Variants in C11orf65 observed in about 807,000 individuals in gnomAD.
C11orf65 encodes protein MFI.
Under a neutral mutation model 35.3 loss-of-function variants are expected in C11orf65, and 38 were observed. The observed-to-expected ratio is 1.08, with a 90% CI of 0.83 to 1.41. The LOEUF (loss-of-function observed/expected upper bound fraction) is 1.41. C11orf65 is among the 40% of genes most tolerant of loss of function. The pLI, the probability that C11orf65 is intolerant of heterozygous loss-of-function variation, is 0.00. For synonymous variants in C11orf65, 105 were observed against 114.4 expected, an observed-to-expected ratio of 0.92 and a Z score of 0.53; for missense variants, 370 against 367.1, an observed-to-expected ratio of 1.01 and a Z score of -0.06.
At chr11:108,392,330 C>T (rs2092184223) in intron 7 of C11orf65, among the ~76,000 whole-genome samples, 1 of 152,136 alleles carries the variant, frequency 6.6e-6, no homozygotes, top group South Asian at 2.1e-4. Context: ...GCATGAGCCA[C>T]CATGCCCAGC....
intron 2 of C11orf65, among the ~76,000 whole-genome samples, 180 bp from the exon 3 acceptor site, chr11:108,432,018 A>G (rs568111292): frequency 3.3e-5 from 5 of 152,200 alleles, no homozygotes; most frequent in Non-Finnish European, 7.4e-5. Context: ...TAGTATTAGT[A>G]TAATTCTCAC....
At chr11:108,336,980 C>T (rs1000241214) in intron 2 of C11orf65, among the ~76,000 whole-genome samples, 1 of 152,134 alleles carries the variant, frequency 6.6e-6, no homozygotes, top group Non-Finnish European at 1.5e-5. Context: ...AATGTTGTAA[C>T]AGGGACTATG....
chr11:108,345,042 G>C (rs1458215018), intron 2 of C11orf65, among the ~76,000 whole-genome samples: 3 of 152,110 alleles, frequency 2.0e-5, no homozygotes, highest in Non-Finnish European at 4.4e-5. Flanking sequence ...GGAGTAGCCA[G>C]TGCCTCCCAG....
intron 3 of C11orf65, among the ~76,000 whole-genome samples, chr11:108,334,764 C>A (rs1332307542): frequency 6.6e-6 from 1 of 152,140 alleles, no homozygotes; most frequent in Non-Finnish European, 1.5e-5. Context: ...GATGACTTTA[C>A]ATATATTAGT....
chr11:108,385,342 G>A (rs1471022601), intron 8 of C11orf65, among the ~76,000 whole-genome samples: 9 of 151,854 alleles, frequency 5.9e-5, no homozygotes, highest in African/African-American at 2.2e-4. Context: ...AAAGTGCTGG[G>A]ATTACAGGTG....
At chr11:108,374,145 AGCAC>A (rs1188694097) in intron 2 of C11orf65, among the ~76,000 whole-genome samples, 1 of 152,166 alleles carries the variant, frequency 6.6e-6, no homozygotes, top group Non-Finnish European at 1.5e-5. Context: ...TGGTTCTCCC[AGCAC>A]GCAGTTTGAG....
intron 3 of C11orf65, chr11:108,332,073 T>C (rs2086321778): frequency 1.2e-6 from 2 of 1,607,788 alleles, no homozygotes; most frequent in Non-Finnish European, 1.7e-6. Flanking sequence ...TTTAGAAGTG[T>C]GATATTCAGT....
At chr11:108,334,899 A>T (rs2136646343) in intron 3 of C11orf65, 1 of 1,516,994 alleles carries the variant, frequency 6.6e-7, no homozygotes. Context: ...ATTGCCATTT[A>T]TAATGTATTT....
Position 108,335,924 on chromosome 11 carries a change from A to C in C11orf65, c.227-632T>G, listed in dbSNP as rs764003317. The C allele has an allele frequency of 2.5e-6, 4 of 1,613,956 alleles. No individual in the cohort carries two copies. In the East Asian group the frequency reaches 8.9e-5, roughly 36 times the overall value. ...AATACATTACTGCAGAGAAACACGG[A>C]AACTAGGAAGAGGAAATTAACTATC... On this transcript the variant is annotated intron_variant, in intron 2 of 3. Transcript: ENST00000524755.
chr11:108,325,941 C>T (rs1168785780), intron 6 of C11orf65: 2 of 1,274,250 alleles, frequency 1.6e-6, no homozygotes, highest in South Asian at 1.3e-5. Context: ...TAAGATAGTC[C>T]CTGACAAGTA....
At chr11:108,454,735 C>T (rs1262849288) in intron 2 of C11orf65, among the ~76,000 whole-genome samples, 7 of 152,294 alleles carry the variant, frequency 4.6e-5, no homozygotes, top group East Asian at 1.9e-4. Flanking sequence ...GCTGAGACTA[C>T]AGACGTGTGC....
At position 108,376,917 on chromosome 11, in the gene C11orf65, G is replaced by A. The variant is rs60679170; in HGVS notation, c.226+16291C>T. 9.0e-3 allele frequency among the ~76,000 whole-genome samples: 1,362 copies of A among 151,202 alleles called. 14 individuals are homozygous for A. Among genetic ancestry groups the A allele is most frequent in the African/African-American group, 0.029 (1,199 of 40,746 alleles). On this transcript the variant is annotated intron_variant, in intron 2 of 3. Transcript: ENST00000524755. Reference sequence around the variant, plus strand: ...AATTCCTCGACACATACACTCTCCCGAGACTAAACCAGGAAGAAGTTGAAT... The same window carrying A: ...AATTCCTCGACACATACACTCTCCCAAGACTAAACCAGGAAGAAGTTGAAT...
chr11:108,310,961 T>G (rs2136034446), intron 6 of C11orf65, among the ~76,000 whole-genome samples: 1 of 152,280 alleles, frequency 6.6e-6, no homozygotes, highest in Middle Eastern at 3.4e-3. Context: ...CCAACTGCTC[T>G]TTTCAAATGT....
intron 6 of C11orf65, among the ~76,000 whole-genome samples, chr11:108,316,346 A>C (rs2136138259): frequency 6.6e-6 from 1 of 152,300 alleles, no homozygotes; most frequent in Middle Eastern, 3.4e-3. Context: ...TTGACCTAAA[A>C]GATAGTGTAG....
chr11:108,356,953 G>T (rs150440359), intron 2 of C11orf65, among the ~76,000 whole-genome samples: 1 of 152,192 alleles, frequency 6.6e-6, no homozygotes, highest in Non-Finnish European at 1.5e-5. Context: ...CAAGATGGCC[G>T]AATAGGAACA....
chr11:108,453,913 A>T (rs2093382164), intron 2 of C11orf65, among the ~76,000 whole-genome samples: 2 of 152,232 alleles, frequency 1.3e-5, no homozygotes, highest in South Asian at 4.1e-4. Context: ...TTGGCTTTGT[A>T]AATGAGGTTA....
intron 2 of C11orf65, chr11:108,368,028 G>A (rs534162872): frequency 3.3e-4 from 68 of 206,868 alleles, no homozygotes; most frequent in African/African-American, 1.5e-3. Context: ...GCTAGTTGTT[G>A]CATCCAGAGA....
intron 6 of C11orf65, chr11:108,315,934 A>G (rs2136123214): frequency 6.2e-7 from 1 of 1,607,010 alleles, no homozygotes; most frequent in Non-Finnish European, 8.5e-7. Flanking sequence ...TTTCTAAACA[A>G]CGGTATAGTA....
chr11:108,335,028 T>A, intron 3 of C11orf65: 1 of 1,614,008 alleles, frequency 6.2e-7, no homozygotes, highest in Non-Finnish European at 8.5e-7. Context: ...AAGCAGAATT[T>A]CGCTTAGCAG....
Sources: gnomAD v4.1 joint callset for allele counts (sites outside exome capture counted in the v4.1 genomes callset) on GRCh38, gnomAD v4.1.1 for gene constraint, MANE v1.5 for transcripts, NCBI Gene and HGNC (gene_info 2026-07-23, HGNC 2026-07-21) for gene names.